Variants in ZNF512B observed in about 807,000 individuals in gnomAD.
ZNF512B encodes zinc finger protein 512B.
A neutral mutation model predicts 87.8 loss-of-function variants in ZNF512B; 22 were observed. The observed-to-expected ratio is 0.25, with a 90% CI of 0.18 to 0.36. ZNF512B has a LOEUF of 0.36. Ranked by LOEUF, ZNF512B falls within the 10% of genes least tolerant of loss-of-function variation. ZNF512B has a pLI of 1.00. For missense variants in ZNF512B, 1,060 were observed against 1,231.6 expected (o/e 0.86, Z 2.09); for synonymous variants, 524 against 490.9 (o/e 1.07, Z -0.89).
At chr20:63,969,361 A>G (rs916168788) in intron 1 of ZNF512B, among the ~76,000 whole-genome samples, 2 of 152,118 alleles carry the variant, frequency 1.3e-5, no homozygotes, top group Non-Finnish European at 2.9e-5. Flanking sequence ...GGGGACACAG[A>G]GCCCTCGCGG....
chr20:63,960,044 T>C lies in ZNF512B; in HGVS notation c.2523A>G (p.Gly841=), dbSNP rs766757470. The C allele has an allele frequency of 6.2e-7, 1 of 1,613,950 alleles. No individual in the cohort carries two copies. Among genetic ancestry groups the C allele is most frequent in the Admixed American group, 1.7e-5 (1 of 60,030 alleles). ...KKEKKKNLAG[G]KKRGRKPKER... ...CCTTGGGCTTTCGGCCCCGCTTCTT[T>C]CCACCTGCCAGATTTTTCTTCTTTT... Residue 841 remains glycine (G), a synonymous_variant, in exon 17 of 17, where the codon GGA becomes GGG. Coordinates refer to ENST00000369888, the MANE Select transcript of ZNF512B (RefSeq NM_020713.3).
intron 10 of ZNF512B, 29 bp downstream of exon 10, chr20:63,963,589 C>A (rs955439111): frequency 1.9e-6 from 3 of 1,612,234 alleles, no homozygotes; most frequent in African/African-American, 1.3e-5. Flanking sequence ...AGAGGTCACG[C>A]TGGACGGGAG....
chr20:63,967,568 C>T, intron 2 of ZNF512B, 45 bp from the exon 3 acceptor site: 1 of 1,543,134 alleles, frequency 6.5e-7, no homozygotes, highest in South Asian at 1.2e-5. Flanking sequence ...TGTAGCACCG[C>T]CTACCACCGG....
At position 63,961,208 on chromosome 20, in the gene ZNF512B, T is replaced by A; in HGVS notation, c.2427+101A>T. ...TGGCCACTCTCCCAGGCACACCCCA[T>A]GCAGGCCACTGACCTCTCTACCCCC... On this transcript the variant is annotated intron_variant, in intron 16 of 16. Coordinates refer to ENST00000369888, the MANE Select transcript of ZNF512B (RefSeq NM_020713.3). The surrounding 1 kb of genome is among the most constrained non-coding windows in gnomAD (Gnocchi z 6.4). 1 of 1,044,122 alleles carries A rather than the reference T, an allele frequency of 9.6e-7. No individual in the cohort carries two copies. The highest frequency in any genetic ancestry group is 1.9e-5 in the Admixed American group (1 of 51,742). The allele number at this position is 1,044,122 out of a possible 1,614,324, so 64.7% of individuals were successfully genotyped here.
At chr20:63,962,415 G>A in intron 13 of ZNF512B, 41 bp from the exon 14 acceptor site, 1 of 1,586,180 alleles carries the variant, frequency 6.3e-7, no homozygotes, top group Non-Finnish European at 8.6e-7. Flanking sequence ...GAGGCCAGAA[G>A]ACACCCCAGC....
intron 12 of ZNF512B, 37 bp downstream of exon 12, chr20:63,963,058 G>A: frequency 1.3e-6 from 2 of 1,512,056 alleles, no homozygotes; most frequent in Middle Eastern, 1.7e-4. Flanking sequence ...CGGCACACAG[G>A]AACAAGCACT....
rs1192812570 is a variant in ZNF512B at position 63,964,107 on chromosome 20, T to C, written c.1444A>G (p.Lys482Glu). The change falls in exon 8 of 17, where the codon AAG (lysine) becomes GAG (glutamate). Residue 482 changes from lysine (K) to glutamate (E), a missense_variant. By Grantham distance (56) the Lys-to-Glu change is moderately conservative. Around this residue, in one of 9 missense-constraint regions of ZNF512B, gnomAD observed 212 missense variants for 207.6 expected, o/e 1.02. Transcript: ENST00000369888. The stretch of plus-strand genomic sequence containing the variant: ...TGGGCCACAGGGGCCGGTGCCTCCT[T>C]GCTGACAGTGATGGGGGCAGCTGGC... ...KVPAAPITVS[K>E]EAPAPVAHPA... 34 of 1,610,030 alleles carry C rather than the reference T, an allele frequency of 2.1e-5. No homozygotes were observed. Among genetic ancestry groups the C allele is most frequent in the Non-Finnish European group, 2.8e-5 (33 of 1,179,204 alleles).
chr20:63,964,456 G>A (rs1438155683), intron 6 of ZNF512B, 34 bp downstream of exon 6: 3 of 1,613,370 alleles, frequency 1.9e-6, no homozygotes, highest in Admixed American at 1.7e-5. Context: ...GGCCGAGCCT[G>A]CCCCGGCCGC....
intron 3 of ZNF512B, 91 bp downstream of exon 3, chr20:63,967,290 T>C: frequency 4.0e-6 from 6 of 1,495,304 alleles, no homozygotes; most frequent in Non-Finnish European, 5.4e-6. Flanking sequence ...ATAGAGTTGG[T>C]ACCAGATGTG....
chr20:63,968,275 G>T (rs1238160526), intron 1 of ZNF512B, among the ~76,000 whole-genome samples: 1 of 152,236 alleles, frequency 6.6e-6, no homozygotes, highest in Non-Finnish European at 1.5e-5. Flanking sequence ...AGTGTGCGTA[G>T]CCCCACAGCT....
Position 63,967,554 on chromosome 20 carries a change from G to A in ZNF512B, c.122-31C>T, listed in dbSNP as rs112250780. On this transcript the variant is annotated intron_variant, in intron 2 of 16. Transcript: ENST00000369888. ...GCACACAACACAGCAAGGCTCGGAA[G>A]CTGTGTAGCACCGCCTACCACCGGC... The A allele has an allele frequency of 4.9e-3, 7,606 of 1,567,560 alleles. 272 individuals carry two copies. In the African/African-American group the frequency reaches 0.079, roughly 16 times the overall value.
Position 63,959,959 on chromosome 20 carries a change from C to G in ZNF512B, c.2608G>C (p.Gly870Arg). 1 of 1,611,646 alleles carries G rather than the reference C, an allele frequency of 6.2e-7. No homozygotes were observed. Among genetic ancestry groups the G allele is most frequent in the Non-Finnish European group, 8.5e-7 (1 of 1,179,922 alleles). Residue 870 changes from glycine (G) to arginine (R), a missense_variant, in exon 17 of 17, where the codon GGA becomes CGA. Around this residue, in one of 9 missense-constraint regions of ZNF512B, gnomAD observed 253 missense variants for 259.2 expected, o/e 0.98. Coordinates refer to ENST00000369888, the MANE Select transcript of ZNF512B (RefSeq NM_020713.3). The stretch of plus-strand genomic sequence containing the variant: ...CCCCGGGCCCCCTTGTCTCTGCATC[C>G]TGGAGGCCAGTCGTCCCGGCGCGGG... ...LPPRRDDWPPGCRDKGARGST... is the reference protein window; with the variant it reads ...LPPRRDDWPPRCRDKGARGST...
Position 63,962,593 on chromosome 20 carries a change from G to T in ZNF512B, c.2157C>A (p.Thr719=). 6.2e-7 allele frequency: 1 copy of T among 1,605,088 alleles called. No homozygotes were observed. ...RRMKDDLVPE[T]ARLNYTRPGL... ...CCTGGGGGGGGCAGCTCACCCGTGC[G>T]GTCTCGGGCACAAGGTCATCCTTCA... Residue 719 remains threonine (T), a synonymous_variant, in exon 13 of 17, where the codon ACC becomes ACA. Transcript: ENST00000369888.
Position 63,961,330 on chromosome 20 carries a change from G to A in ZNF512B, c.2406C>T (p.His802=), listed in dbSNP as rs2058848477. 1.9e-6 allele frequency: 3 copies of A among 1,612,718 alleles called. No individual in the cohort carries two copies. Among genetic ancestry groups the A allele is most frequent in the East Asian group, 2.2e-5 (1 of 44,872 alleles). ...EFSSESGVKY[H]ILKTHAENWF... ...GCACCTCTGCGTGGGTCTTCAGGATGTGGTATTTGACGCCACTCTCAGAAC... is the reference window on the plus strand; with the variant it reads ...GCACCTCTGCGTGGGTCTTCAGGATATGGTATTTGACGCCACTCTCAGAAC... Residue 802 remains histidine (H), a synonymous_variant, in exon 16 of 17, where the codon CAC becomes CAT. Coordinates refer to ENST00000369888, the MANE Select transcript of ZNF512B (RefSeq NM_020713.3). This position sits in a 1 kb window ranked among gnomAD's most constrained non-coding sequence, Gnocchi z 6.4.
At chr20:63,960,718 C>T (rs2058841767) in intron 16 of ZNF512B, among the ~76,000 whole-genome samples, 1 of 135,132 alleles carries the variant, frequency 7.4e-6, no homozygotes, top group Non-Finnish European at 1.6e-5. Context: ...CAAGCACCTG[C>T]AGGGGGCTGG....
Position 63,959,755 on chromosome 20 carries a change from G to A in ZNF512B, c.*133C>T. On this transcript the variant is annotated 3_prime_UTR_variant, in exon 17 of 17. Transcript: ENST00000369888. ...ACCTTCAGGGAAGGGAGAGTGGCTG[G>A]CTGCCCCACTGGACGGATGAAGAGG... The A allele has an allele frequency of 7.5e-7, 1 of 1,328,422 alleles. No homozygotes were observed. Among genetic ancestry groups the A allele is most frequent in the South Asian group, 1.5e-5 (1 of 64,820 alleles). The allele number at this position is 1,328,422 out of a possible 1,614,324, so 82.3% of individuals were successfully genotyped here.
intron 6 of ZNF512B, 49 bp downstream of exon 6, chr20:63,964,441 C>A: frequency 6.2e-7 from 1 of 1,613,652 alleles, no homozygotes; most frequent in Non-Finnish European, 8.5e-7. Context: ...AAATAACCGT[C>A]AGGAGGCCGA....
chr20:63,964,724 G>A lies in ZNF512B; in HGVS notation c.1035-8C>T. ...TCCAGGCTGTCCGCAGCCCTGCAGG[G>A]AGCAGGTGAGGTGAGGGCCAGGAGG... On this transcript the variant is annotated splice_region_variant and splice_polypyrimidine_tract_variant and intron_variant, in intron 5 of 16. Coordinates refer to ENST00000369888, the MANE Select transcript of ZNF512B (RefSeq NM_020713.3). 6.2e-7 allele frequency: 1 copy of A among 1,609,664 alleles called. No individual in the cohort carries two copies. The highest frequency in any genetic ancestry group is 8.5e-7 in the Non-Finnish European group (1 of 1,179,232).
At position 63,964,710 on chromosome 20, in the gene ZNF512B, C is replaced by T. The variant is rs141092054; in HGVS notation, c.1041G>A (p.Ala347=). 15 of 1,610,778 alleles carry T rather than the reference C, an allele frequency of 9.3e-6. No individual in the cohort carries two copies. The highest frequency in any genetic ancestry group is 1.1e-5 in the Non-Finnish European group (13 of 1,179,802). The change falls in exon 6 of 17, where the codon GCG becomes GCA. Residue 347 remains alanine (A), a synonymous_variant. Transcript: ENST00000369888. ...TGRNSGKKRA[A]DSLDTCPIPP... is the part of the protein sequence containing the mutation. ...GAATTGGGCAGGTGTCCAGGCTGTCCGCAGCCCTGCAGGGAGCAGGTGAGG... is the reference window on the plus strand; with the variant it reads ...GAATTGGGCAGGTGTCCAGGCTGTCTGCAGCCCTGCAGGGAGCAGGTGAGG...
Sources: allele counts gnomAD v4.1 joint callset (sites outside exome capture counted in the v4.1 genomes callset), GRCh38; gene constraint gnomAD v4.1.1; regional missense constraint gnomAD v4.1.1; non-coding constraint Gnocchi (gnomAD v3.1); transcripts MANE v1.5; gene names NCBI Gene and HGNC (gene_info 2026-07-23, HGNC 2026-07-21).